The following PHF21B variants were observed in gnomAD, a reference collection of about 807,000 sequenced individuals.
PHF21B encodes PHD finger protein 21B, also known as PHD finger protein 4.
In PHF21B, 22 loss-of-function variants were observed where a neutral mutation model predicts 62.2. The observed-to-expected ratio is 0.35, with a 90% confidence interval of 0.25 to 0.51. The LOEUF (loss-of-function observed/expected upper bound fraction) is 0.51, where lower values mean the gene tolerates loss of function less well. PHF21B is among the 20% of genes least tolerant of loss of function. PHF21B has a pLI of 0.97. For synonymous variants in PHF21B, 341 were observed against 314.7 expected, an observed-to-expected ratio of 1.08 and a Z score of -0.88; for missense variants, 701 against 707.9, an observed-to-expected ratio of 0.99 and a Z score of 0.11.
At chr22:44,957,240 G>A (rs1405410370) in intron 2 of PHF21B, among the ~76,000 whole-genome samples, 1 of 152,262 alleles carries the variant, frequency 6.6e-6, no homozygotes, top group East Asian at 1.9e-4. Flanking sequence ...TGCTCACCCA[G>A]CCTCAGAGGG....
chr22:44,937,367 A>T (rs931496489), intron 2 of PHF21B, among the ~76,000 whole-genome samples: 4 of 152,210 alleles, frequency 2.6e-5, no homozygotes, highest in Non-Finnish European at 4.4e-5. Flanking sequence ...GGCGGCCACC[A>T]GGTGTGAACA....
chr22:44,891,227 C>G (rs1313343679), intron 8 of PHF21B, 79 bp downstream of exon 8: 3 of 1,529,708 alleles, frequency 2.0e-6, no homozygotes, highest in Middle Eastern at 1.7e-4. Context: ...CTGCCCAGGC[C>G]CAGGCGTGGA....
At chr22:44,982,889 T>C (rs1252105314) in intron 2 of PHF21B, among the ~76,000 whole-genome samples, 2 of 50,196 alleles carry the variant, frequency 4.0e-5, no homozygotes, top group South Asian at 7.0e-4. Flanking sequence ...CTGTGACAAG[T>C]TCAAAGCCAG....
intron 2 of PHF21B, among the ~76,000 whole-genome samples, chr22:44,993,662 G>A (rs572428232): frequency 5.3e-5 from 8 of 152,330 alleles, no homozygotes; most frequent in Admixed American, 2.0e-4. Flanking sequence ...GAGAAAAATC[G>A]AGACCCGTGG....
At chr22:44,978,478 ACCT>A (rs1439178691) in intron 2 of PHF21B, among the ~76,000 whole-genome samples, 3 of 151,340 alleles carry the variant, frequency 2.0e-5, no homozygotes, top group African/African-American at 7.3e-5. Flanking sequence ...TCCTGCTTCA[ACCT>A]CCTAAGTAGC....
At chr22:44,886,922 A>C (rs562537675) in intron 10 of PHF21B, among the ~76,000 whole-genome samples, 47 of 152,288 alleles carry the variant, frequency 3.1e-4, no homozygotes, top group African/African-American at 1.0e-3. Flanking sequence ...TGGGAGGTCA[A>C]GGCGGACAGA....
chr22:44,886,002 C>A, intron 10 of PHF21B, 64 bp from the exon 11 acceptor site: 3 of 1,514,888 alleles, frequency 2.0e-6, no homozygotes, highest in East Asian at 2.3e-5. Context: ...ACTGTCCACA[C>A]CCTGGCTGTG....
At chr22:44,908,179 T>C (rs912267833) in intron 5 of PHF21B, among the ~76,000 whole-genome samples, 4 of 152,062 alleles carry the variant, frequency 2.6e-5, no homozygotes, top group African/African-American at 9.7e-5. Context: ...AGAGATGGCG[T>C]CTCCAGTGGC....
At chr22:44,992,003 G>A (rs1009907574) in intron 2 of PHF21B, among the ~76,000 whole-genome samples, 4 of 152,376 alleles carry the variant, frequency 2.6e-5, no homozygotes, top group African/African-American at 7.2e-5. Flanking sequence ...AGACCCGGAC[G>A]TTGGGGGAGC....
At chr22:44,961,857 T>C (rs559266546) in intron 2 of PHF21B, among the ~76,000 whole-genome samples, 68 of 105,196 alleles carry the variant, frequency 6.5e-4, no homozygotes, top group African/African-American at 1.8e-3. Flanking sequence ...AATAAATAAA[T>C]AAATAAATAA....
chr22:44,979,961 C>T (rs561166706), intron 2 of PHF21B, among the ~76,000 whole-genome samples: 55 of 146,150 alleles, frequency 3.8e-4, no homozygotes, highest in Non-Finnish European at 6.3e-4. Context: ...CCCAGCTACT[C>T]GGGAGGCTGA....
chr22:44,991,152 A>T (rs763218132), intron 2 of PHF21B, among the ~76,000 whole-genome samples: 9 of 152,212 alleles, frequency 5.9e-5, no homozygotes, highest in Non-Finnish European at 1.3e-4. Flanking sequence ...TTCAGTCATT[A>T]ACACTAGTAA....
At chr22:44,890,197 C>T (rs1170984611) in intron 8 of PHF21B, among the ~76,000 whole-genome samples, 2 of 152,142 alleles carry the variant, frequency 1.3e-5, no homozygotes, top group African/African-American at 4.8e-5. Flanking sequence ...ACCATGGGAA[C>T]AGGCTCATGT....
chr22:44,957,517 G>A (rs190717386), intron 2 of PHF21B, among the ~76,000 whole-genome samples: 93 of 152,252 alleles, frequency 6.1e-4, no homozygotes, highest in Non-Finnish European at 1.0e-3. Flanking sequence ...TTTAAATAAC[G>A]TATGCACAGA....
chr22:45,003,190 C>G (rs2073250957), intron 2 of PHF21B: 1 of 152,314 alleles, frequency 6.6e-6, no homozygotes, highest in African/African-American at 2.4e-5. Flanking sequence ...AGGCCTACTG[C>G]AGGCTAGGGG....
At chr22:44,945,819 G>A (rs73178261) in intron 2 of PHF21B, among the ~76,000 whole-genome samples, 5,923 of 152,168 alleles carry the variant, frequency 0.039, 154 homozygotes, top group Non-Finnish European at 0.054. Flanking sequence ...GGCTCCAAAG[G>A]GGGCTGAGTG....
chr22:44,919,691 A>G (rs1441278944), intron 3 of PHF21B, among the ~76,000 whole-genome samples: 1 of 152,264 alleles, frequency 6.6e-6, no homozygotes, highest in Non-Finnish European at 1.5e-5. Flanking sequence ...AGTGCTCAAC[A>G]AAGCTGAGCT....
At chr22:44,958,967 T>C (rs1034609577) in intron 2 of PHF21B, among the ~76,000 whole-genome samples, 2 of 151,946 alleles carry the variant, frequency 1.3e-5, no homozygotes, top group African/African-American at 4.8e-5. Flanking sequence ...AACTGCGCAA[T>C]CTACATTTCC....
chr22:44,920,177 C>T (rs775322075), intron 3 of PHF21B, among the ~76,000 whole-genome samples: 26 of 152,296 alleles, frequency 1.7e-4, no homozygotes, highest in Non-Finnish European at 3.4e-4. Context: ...TGGTCATGAC[C>T]CACTAAATTG....
Sources: gnomAD v4.1 joint callset for allele counts (sites outside exome capture counted in the v4.1 genomes callset) on GRCh38, gnomAD v4.1.1 for gene constraint, MANE v1.5 for transcripts, NCBI Gene and HGNC (gene_info 2026-07-23, HGNC 2026-07-21) for gene names.